Variants in GLIS1 observed in about 807,000 individuals in gnomAD.
GLIS1 encodes the protein GLIS family zinc finger 1, also known as zinc finger protein GLIS1.
A neutral mutation model predicts 63.8 loss-of-function variants in GLIS1; 24 were observed. That is an observed-to-expected ratio of 0.38 (90% CI 0.27 to 0.53). The LOEUF is 0.53. Ranked by LOEUF, GLIS1 falls within the 20% of genes least tolerant of loss-of-function variation. The pLI is 0.85. For synonymous variants in GLIS1, 450 were observed against 482.5 expected (o/e 0.93, Z 0.88); for missense variants, 1,036 against 1,074.1 (o/e 0.96, Z 0.50).
At chr1:53,599,942 G>A (rs1645298704) in intron 3 of GLIS1, among the ~76,000 whole-genome samples, 159 bp downstream of exon 3, 1 of 152,232 alleles carries the variant, frequency 6.6e-6, no homozygotes, top group Non-Finnish European at 1.5e-5. Flanking sequence ...CAAAGCAGAA[G>A]GTGCAGGATC....
rs969455861 is a variant in GLIS1 at position 53,737,831 on chromosome 1, T to G, written c.234A>C (p.Pro78=). The G allele has an allele frequency of 3.2e-6, 4 of 1,230,930 alleles. No individual in the cohort carries two copies. Among genetic ancestry groups the G allele is most frequent in the Non-Finnish European group, 4.1e-6 (4 of 987,506 alleles). The allele number at this position is 1,230,930 out of a possible 1,614,324, so 76.3% of individuals were successfully genotyped here. A position where few individuals can be genotyped will look rare whatever the true frequency, so the allele number is the denominator to read the frequency against. ...LRPRSPRDYG[P]SKAAAAGKVN... ...CCTTCCCGGCGGCGGCGGCCTTGGA[T>G]GGACCGTAGTCTCGGGGACTGCGGG... Residue 78 remains proline, a synonymous_variant, in exon 2 of 11, where the codon CCA becomes CCC. Coordinates refer to ENST00000628545, the MANE Select transcript of GLIS1 (RefSeq NM_001367484.1).
At chr1:53,527,383 T>C (rs558777554) in intron 5 of GLIS1, among the ~76,000 whole-genome samples, 87 of 152,284 alleles carry the variant, frequency 5.7e-4, no homozygotes, top group African/African-American at 2.0e-3. Context: ...GCCCAATCAG[T>C]AAGAGGACAG....
chr1:53,710,365 C>T (rs910278007), intron 2 of GLIS1, among the ~76,000 whole-genome samples: 11 of 152,244 alleles, frequency 7.2e-5, no homozygotes, highest in South Asian at 6.2e-4. Flanking sequence ...CCTGGTCAGA[C>T]GTGTCACATC....
chr1:53,635,145 G>A lies in GLIS1; in HGVS notation c.260-34867C>T, dbSNP rs1569959955. 5.3e-5 allele frequency among the ~76,000 whole-genome samples: 8 copies of A among 152,210 alleles called. No individual in the cohort carries two copies. The South Asian group carries it at 1.7e-3, about 32-fold the overall frequency. ...ATCCAGGAGAGGGGCAAAAATTGAT[G>A]CAGGAAAGAGAAGGGAGAACGGCAG... On this transcript the variant is annotated intron_variant, in intron 2 of 10. Transcript: ENST00000628545.
intron 2 of GLIS1, among the ~76,000 whole-genome samples, chr1:53,722,939 C>T (rs1272453010): frequency 6.6e-6 from 1 of 151,802 alleles, no homozygotes; most frequent in Non-Finnish European, 1.5e-5. Context: ...TCAAGACCAG[C>T]CTGGCCAACA....
intron 7 of GLIS1, among the ~76,000 whole-genome samples, chr1:53,517,860 C>A (rs1314772078): frequency 6.6e-6 from 1 of 152,218 alleles, no homozygotes; most frequent in Admixed American, 6.5e-5. Flanking sequence ...AGGACGGACA[C>A]AGGGTGGGTG....
At chr1:53,727,629 C>T (rs1646818717) in intron 2 of GLIS1, among the ~76,000 whole-genome samples, 1 of 152,244 alleles carries the variant, frequency 6.6e-6, no homozygotes, top group Non-Finnish European at 1.5e-5. Flanking sequence ...AGTCATCAGG[C>T]CCCAAGCTCC....
At chr1:53,535,515 G>A (rs1029902489) in intron 4 of GLIS1, among the ~76,000 whole-genome samples, 17 of 152,026 alleles carry the variant, frequency 1.1e-4, no homozygotes, top group African/African-American at 4.1e-4. Context: ...CATGGTGGAT[G>A]GCTGGGTGGG....
chr1:53,550,594 G>A (rs1007977769), intron 4 of GLIS1, among the ~76,000 whole-genome samples: 8 of 152,198 alleles, frequency 5.3e-5, no homozygotes, highest in Non-Finnish European at 1.0e-4. Flanking sequence ...AAGTCCCACA[G>A]TCGGGGAAAA....
rs374996373 is a variant in GLIS1, at chr1:53,571,870, G to A, written c.1320+22238C>T. On this transcript the variant is annotated intron_variant, in intron 4 of 10. Transcript: ENST00000628545. ...TGGGATTACAGGCGTGAGCCACCAC[G>A]CCCGGCCAAAATCTTAAAAATATAA... 1.1e-4 allele frequency among the ~76,000 whole-genome samples: 16 copies of A among 152,228 alleles called. No individual in the cohort carries two copies. The South Asian group carries it at 2.5e-3, about 24-fold the overall frequency.
At position 53,540,676 on chromosome 1, in the gene GLIS1, C is replaced by T. The variant is rs1046297290; in HGVS notation, c.1321-10724G>A. ...GTCCAGCCCTGGCTCTGCGTGACCC[C>T]GGCCCAGCCACCTCCCTTTCCTGAG... On this transcript the variant is annotated intron_variant, in intron 4 of 10. Coordinates refer to ENST00000628545, the MANE Select transcript of GLIS1 (RefSeq NM_001367484.1). Among the ~76,000 whole-genome samples, 6 of 152,162 alleles carry T rather than the reference C, an allele frequency of 3.9e-5. No individual in the cohort carries two copies. The South Asian group carries it at 8.3e-4, about 21-fold the overall frequency.
chr1:53,673,288 C>T (rs1646174868), intron 2 of GLIS1, among the ~76,000 whole-genome samples: 1 of 152,222 alleles, frequency 6.6e-6, no homozygotes, highest in African/African-American at 2.4e-5. Context: ...TCTGAAAGGG[C>T]CTAGATTACC....
At chr1:53,730,028 A>G (rs990992659) in intron 2 of GLIS1, among the ~76,000 whole-genome samples, 1 of 152,168 alleles carries the variant, frequency 6.6e-6, no homozygotes, top group African/African-American at 2.4e-5. Flanking sequence ...CATTTTTACG[A>G]TATGCTTAAA....
chr1:53,551,413 G>A (rs1252996174), intron 4 of GLIS1, among the ~76,000 whole-genome samples: 12 of 152,218 alleles, frequency 7.9e-5, no homozygotes, highest in Admixed American at 6.5e-4. Context: ...GCCTTATGCA[G>A]AGGAGGGATA....
intron 2 of GLIS1, among the ~76,000 whole-genome samples, chr1:53,679,382 T>C (rs1168816408): frequency 6.6e-6 from 1 of 152,204 alleles, no homozygotes; most frequent in Non-Finnish European, 1.5e-5. Context: ...CAATCCGAGT[T>C]GGGTTTCAGA....
intron 2 of GLIS1, among the ~76,000 whole-genome samples, chr1:53,633,089 G>A (rs1224537600): frequency 8.0e-6 from 1 of 124,638 alleles, no homozygotes; most frequent in East Asian, 2.2e-4. Context: ...GCGTGTGAAT[G>A]AGTGTGACTG....
chr1:53,601,101 A>C (rs114714280), intron 2 of GLIS1, among the ~76,000 whole-genome samples: 2,064 of 152,292 alleles, frequency 0.014, 26 homozygotes, highest in Non-Finnish European at 0.024. Flanking sequence ...TGTCACTCAC[A>C]GAGCAAAGCT....
intron 4 of GLIS1, among the ~76,000 whole-genome samples, chr1:53,583,418 C>T (rs1465858505): frequency 2.0e-5 from 3 of 152,234 alleles, no homozygotes; most frequent in African/African-American, 7.2e-5. Flanking sequence ...TGAACAGACA[C>T]TCACTGGGTG....
At chr1:53,672,811 C>T (rs975273008) in intron 2 of GLIS1, among the ~76,000 whole-genome samples, 4 of 152,332 alleles carry the variant, frequency 2.6e-5, no homozygotes, top group Admixed American at 2.6e-4. Context: ...CCCCACAGCA[C>T]CCAGCTCAGG....
Sources: gnomAD v4.1 joint callset for allele counts (sites outside exome capture counted in the v4.1 genomes callset) on GRCh38, gnomAD v4.1.1 for gene constraint, MANE v1.5 for transcripts, NCBI Gene and HGNC (gene_info 2026-07-23, HGNC 2026-07-21) for gene names.